PRDM2: variants seen among roughly 807,000 people sequenced by gnomAD.
PRDM2 encodes the protein PR/SET domain 2.
PRDM2 carries 30 observed loss-of-function variants against 130.0 expected under a neutral mutation model. The ratio of observed to expected loss-of-function variants is 0.23; its 90% CI spans 0.17 to 0.31. The LOEUF (loss-of-function observed/expected upper bound fraction) is 0.31, where lower values mean the gene tolerates loss of function less well. PRDM2 is among the 10% of genes least tolerant of loss of function. The pLI, the probability that PRDM2 is intolerant of heterozygous loss-of-function variation, is 1.00. For missense variants in PRDM2, 2,011 were observed against 2,108.4 expected (o/e 0.95, Z 0.90); for synonymous variants, 871 against 782.4 (o/e 1.11, Z -1.89).
Position 13,780,712 on chromosome 1 carries a change from C to A in PRDM2, c.2917C>A (p.Pro973Thr). The A allele has an allele frequency of 3.1e-6, 5 of 1,602,082 alleles. No individual in the cohort carries two copies. The highest frequency in any genetic ancestry group is 4.3e-6 in the Non-Finnish European group (5 of 1,172,862). The change falls in exon 8 of 10, where the codon CCT becomes ACT. Residue 973 changes from proline to threonine, a missense_variant. By Grantham distance (38) the Pro-to-Thr change is conservative. This residue lies in a region of PRDM2 where 1,288 missense variants were observed against 1,237.7 expected (regional missense o/e 1.04). Transcript: ENST00000311066. ...PLLIPTDPSS[P>T]PPCPPVLTVA... ...CTTGATCCCCACAGATCCCTCTTCCCCTCCACCCTGTCCCCCGGTATTAAC... is the reference window on the plus strand; with the variant it reads ...CTTGATCCCCACAGATCCCTCTTCCACTCCACCCTGTCCCCCGGTATTAAC...
chr1:13,711,793 G>T (rs1642378891), intron 1 of PRDM2, among the ~76,000 whole-genome samples: 2 of 152,044 alleles, frequency 1.3e-5, no homozygotes, highest in Admixed American at 6.5e-5. Context: ...ATGAGAGTCT[G>T]GTTTTTAGCA....
At position 13,780,652 on chromosome 1, in the gene PRDM2, A is replaced by T. The variant is rs781488790; in HGVS notation, c.2857A>T (p.Thr953Ser). 2 of 1,612,708 alleles carry T rather than the reference A, an allele frequency of 1.2e-6. No homozygotes were observed. The highest frequency in any genetic ancestry group is 8.5e-7 in the Non-Finnish European group (1 of 1,179,348). Residue 953 changes from threonine to serine, a missense_variant, in exon 8 of 10, where the codon ACA (threonine) becomes TCA (serine). Physicochemically the swap from Thr to Ser is moderately conservative, Grantham distance 58 (BLOSUM62 1). Coordinates refer to ENST00000311066, the MANE Select transcript of PRDM2 (RefSeq NM_001393986.1). ...TTGTCCTTCATCACCTGCCCTGCAG[A>T]CACCCTCCCTTTCATCCGGTCAGCT... ...DVCPSSPALQTPSLSSGQLPP... is the reference protein window; with the variant it reads ...DVCPSSPALQSPSLSSGQLPP...
chr1:13,803,720 C>T lies in PRDM2; in HGVS notation c.5037-12707C>T, dbSNP rs1645044255. ...CGGGGGCTTTCCCCGCGGGCAGGTTCTCCGGGCCGAGGTCACTGCAGGCCA... is the reference window on the plus strand; with the variant it reads ...CGGGGGCTTTCCCCGCGGGCAGGTTTTCCGGGCCGAGGTCACTGCAGGCCA... On this transcript the variant is annotated intron_variant, in intron 8 of 9. Coordinates refer to ENST00000311066, the MANE Select transcript of PRDM2 (RefSeq NM_001393986.1). This position sits in a 1 kb window ranked among gnomAD's most constrained non-coding sequence, Gnocchi z 6.2. 6.6e-6 allele frequency among the ~76,000 whole-genome samples: 1 copy of T among 152,196 alleles called. No homozygotes were observed. The highest frequency in any genetic ancestry group is 2.1e-4 in the South Asian group (1 of 4,832).
rs1233818891 is a variant in PRDM2 at position 13,782,432 on chromosome 1, T to C, written c.4637T>C (p.Leu1546Pro). 4 of 1,613,860 alleles carry C rather than the reference T, an allele frequency of 2.5e-6. No individual in the cohort carries two copies. The East Asian group carries it at 8.9e-5, about 36-fold the overall frequency. ...AGCTCAGGCCCCACCCAAGTCCCAC[T>C]TCCCTCCTCATCCTTCAGGTCCAAG... ...ARSSGPTQVPLPSSSFRSKQN... is the reference protein window; with the variant it reads ...ARSSGPTQVPPPSSSFRSKQN... The change falls in exon 8 of 10, where the codon CTT becomes CCT. Residue 1546 changes from leucine to proline, a missense_variant. Leu to Pro is a moderately conservative substitution (Grantham distance 98). Coordinates refer to ENST00000311066, the MANE Select transcript of PRDM2 (RefSeq NM_001393986.1).
rs1335991651 is a variant in PRDM2 at position 13,780,612 on chromosome 1, G to T, written c.2817G>T (p.Glu939Asp). The change falls in exon 8 of 10, where the codon GAG (glutamate) becomes GAT (aspartate). Residue 939 changes from glutamate (E) to aspartate (D), a missense_variant. Coordinates refer to ENST00000311066, the MANE Select transcript of PRDM2 (RefSeq NM_001393986.1). ...CTGGTTTCCCTGCCCCTACTGTTGA[G>T]TCCACACCTGATGTTTGTCCTTCAT... The part of the protein sequence containing the change: ...PGSGFPAPTV[E>D]STPDVCPSSP... The T allele has an allele frequency of 6.2e-7, 1 of 1,613,990 alleles. No individual in the cohort carries two copies. The highest frequency in any genetic ancestry group is 8.5e-7 in the Non-Finnish European group (1 of 1,179,980).
In PRDM2 at chr1:13,779,990, G is replaced by A. The variant is rs1270807919; in HGVS notation, c.2195G>A (p.Arg732Lys). The change falls in exon 8 of 10, where the codon AGG becomes AAG. Residue 732 changes from arginine to lysine, a missense_variant. Physicochemically the swap from Arg to Lys is conservative, Grantham distance 26 (BLOSUM62 2). Transcript: ENST00000311066. This position sits in a 1 kb window ranked among gnomAD's most constrained non-coding sequence, Gnocchi z 4.9. Reference sequence around the variant, plus strand: ...TCAATGTTGCCTGTGACCTCAAGTAGGTTTAAGAGGCGGACCAGCTCTCCT... The same window carrying A: ...TCAATGTTGCCTGTGACCTCAAGTAAGTTTAAGAGGCGGACCAGCTCTCCT... ...PASMLPVTSSRFKRRTSSPPS... is the reference protein window; with the variant it reads ...PASMLPVTSSKFKRRTSSPPS... 3.1e-6 allele frequency: 5 copies of A among 1,614,090 alleles called. No individual in the cohort carries two copies. The highest frequency in any genetic ancestry group is 4.2e-6 in the Non-Finnish European group (5 of 1,180,048).
chr1:13,725,471 C>T (rs1177230407), intron 2 of PRDM2, among the ~76,000 whole-genome samples: 2 of 152,198 alleles, frequency 1.3e-5, no homozygotes, highest in African/African-American at 4.8e-5. Flanking sequence ...TCCCAAAGTG[C>T]TGGGATTACA....
intron 5 of PRDM2, among the ~76,000 whole-genome samples, chr1:13,745,650 C>T (rs867527607): frequency 1.3e-5 from 2 of 152,188 alleles, no homozygotes; most frequent in African/African-American, 2.4e-5. Flanking sequence ...TCTCGAACTC[C>T]TGACCTCGTG....
At chr1:13,805,523 G>A (rs1199025546) in intron 8 of PRDM2, among the ~76,000 whole-genome samples, 1 of 152,048 alleles carries the variant, frequency 6.6e-6, no homozygotes, top group Non-Finnish European at 1.5e-5. Flanking sequence ...GAGGGCCGAT[G>A]GCTCCCACAG....
intron 8 of PRDM2, among the ~76,000 whole-genome samples, chr1:13,800,998 C>T (rs1031108828): frequency 2.6e-5 from 4 of 152,200 alleles, no homozygotes; most frequent in Non-Finnish European, 5.9e-5. Flanking sequence ...GACTGTCAGA[C>T]TCTAAACCTC....
intron 8 of PRDM2, among the ~76,000 whole-genome samples, chr1:13,801,888 CTGTT>C (rs1037812040): frequency 4.6e-5 from 7 of 152,210 alleles, no homozygotes; most frequent in Non-Finnish European, 1.0e-4. Flanking sequence ...GGCTGGGTGT[CTGTT>C]TGAGCAGTTC....
chr1:13,779,043 A>G lies in PRDM2; in HGVS notation c.1248A>G (p.Leu416=), dbSNP rs1644544909. 8 of 1,614,104 alleles carry G rather than the reference A, an allele frequency of 5.0e-6. No homozygotes were observed. Among genetic ancestry groups the G allele is most frequent in the Admixed American group, 3.3e-5 (2 of 60,008 alleles). ...ATGAGCGGCGCCATGAAGCAGGGTT[A>G]AAGCGGAAACCCAGCCAAACACTAC... ...RRHERRHEAG[L]KRKPSQTLQP... Residue 416 remains leucine, a synonymous_variant, in exon 8 of 10, where the codon TTA becomes TTG. Coordinates refer to ENST00000311066, the MANE Select transcript of PRDM2 (RefSeq NM_001393986.1). The surrounding 1 kb of genome is among the most constrained non-coding windows in gnomAD (Gnocchi z 4.9).
chr1:13,729,592 G>A (rs1264340370), intron 2 of PRDM2, among the ~76,000 whole-genome samples: 1 of 152,152 alleles, frequency 6.6e-6, no homozygotes, highest in African/African-American at 2.4e-5. Flanking sequence ...ATATTTAGAA[G>A]TGAAAAATGT....
intron 2 of PRDM2, among the ~76,000 whole-genome samples, chr1:13,717,149 C>G (rs1208105795): frequency 1.3e-5 from 2 of 152,178 alleles, no homozygotes; most frequent in African/African-American, 4.8e-5. Flanking sequence ...ACATGGGGCA[C>G]ATGCTTTCTA....
intron 2 of PRDM2, chr1:13,717,318 ATTT>A: frequency 2.1e-6 from 1 of 478,624 alleles, no homozygotes; most frequent in Non-Finnish European, 2.7e-6. Context: ...TTATTTTCCT[ATTT>A]TAAGATTGAT....
rs1642502617 is a variant in PRDM2, at chr1:13,715,421, T to C, written c.-65-120T>C. ...GCTCTCAGCATAGATTGAAGTTGATTTGGCATAGAGTTGCTTTATAAATAG... is the reference window on the plus strand; with the variant it reads ...GCTCTCAGCATAGATTGAAGTTGATCTGGCATAGAGTTGCTTTATAAATAG... On this transcript the variant is annotated intron_variant, in intron 1 of 9. Coordinates refer to ENST00000311066, the MANE Select transcript of PRDM2 (RefSeq NM_001393986.1). 3 of 407,342 alleles carry C rather than the reference T, an allele frequency of 7.4e-6. No homozygotes were observed. In the South Asian group the frequency reaches 1.7e-4, roughly 23 times the overall value. 25.2% of individuals were successfully genotyped at this position (407,342 alleles called of 1,614,324 possible). A position where few individuals can be genotyped will look rare whatever the true frequency, so the allele number is the denominator to read the frequency against.
intron 2 of PRDM2, among the ~76,000 whole-genome samples, chr1:13,725,019 GTCT>G (rs1374253019): frequency 3.9e-5 from 6 of 152,326 alleles, no homozygotes; most frequent in African/African-American, 9.6e-5. Context: ...AGTCGGTCCT[GTCT>G]TCTTAGCCCT....
chr1:13,818,680 C>T (rs914102363), intron 9 of PRDM2, among the ~76,000 whole-genome samples: 6 of 152,112 alleles, frequency 3.9e-5, no homozygotes, highest in Admixed American at 1.3e-4. Context: ...CCACCGCTCC[C>T]GGCTGTTTAC....
At chr1:13,716,367 G>T (rs2100418728) in intron 2 of PRDM2, among the ~76,000 whole-genome samples, 1 of 151,562 alleles carries the variant, frequency 6.6e-6, no homozygotes, top group Admixed American at 6.6e-5. Context: ...GAGTTAGTGG[G>T]TGCAGCACAC....
Sources: gnomAD v4.1 joint callset for allele counts (sites outside exome capture counted in the v4.1 genomes callset) on GRCh38, gnomAD v4.1.1 for gene constraint, gnomAD v4.1.1 regional missense constraint, Gnocchi (gnomAD v3.1) non-coding constraint, MANE v1.5 for transcripts, NCBI Gene and HGNC (gene_info 2026-07-23, HGNC 2026-07-21) for gene names.